Variants in NDRG1 observed in about 807,000 individuals in gnomAD.
NDRG1 encodes protein NDRG1.
NDRG1 carries 32 observed loss-of-function variants against 56.9 expected under a neutral mutation model. The ratio of observed to expected loss-of-function variants is 0.56; its 90% CI spans 0.42 to 0.76. The LOEUF (loss-of-function observed/expected upper bound fraction) is 0.76, where lower values mean the gene tolerates loss of function less well. Ranked by LOEUF, NDRG1 falls within the 30% of genes least tolerant of loss-of-function variation. The pLI is 0.00. For synonymous variants in NDRG1, 211 were observed against 204.1 expected (o/e 1.03, Z -0.29); for missense variants, 507 against 545.7 (o/e 0.93, Z 0.71).
chr8:133,291,334 G>A (rs1385764724), intron 1 of NDRG1, among the ~76,000 whole-genome samples: 2 of 152,192 alleles, frequency 1.3e-5, no homozygotes, highest in African/African-American at 4.8e-5. Flanking sequence ...AAATTGCCGA[G>A]AACAGCACCA....
chr8:133,262,042 C>G lies in NDRG1; in HGVS notation c.326+5G>C, dbSNP rs1333361653. ...GTAGAGCTCATAGGGCAAGAGGCCT[C>G]TCACCCTGCGGGGAAGGAGGCTGCG... On this transcript the variant is annotated splice_donor_5th_base_variant and intron_variant, in intron 5 of 15. Coordinates refer to ENST00000323851, the MANE Select transcript of NDRG1 (RefSeq NM_006096.4). 2 of 1,609,780 alleles carry G rather than the reference C, an allele frequency of 1.2e-6. No individual in the cohort carries two copies. Among genetic ancestry groups the G allele is most frequent in the African/African-American group, 2.7e-5 (2 of 74,696 alleles).
chr8:133,291,219 G>GCCAGTGTTCTCT, intron 1 of NDRG1, among the ~76,000 whole-genome samples: 1 of 152,330 alleles, frequency 6.6e-6, no homozygotes. Context: ...CCACATGAAA[G>GCCAGTGTTCTCT]CCAGTGTTCT....
intron 6 of NDRG1, 87 bp from the exon 7 acceptor site, chr8:133,258,513 C>T (rs974752686): frequency 1.5e-5 from 21 of 1,362,594 alleles, no homozygotes; most frequent in Middle Eastern, 3.5e-4. Flanking sequence ...TGAGGGTGAC[C>T]GCCTGGCTAG....
chr8:133,248,572 A>G, intron 11 of NDRG1, 143 bp downstream of exon 11: 1 of 1,017,036 alleles, frequency 9.8e-7, no homozygotes. Context: ...CAGGCTGGGT[A>G]ATGCTCAGTC....
In NDRG1 at chr8:133,238,722, G is replaced by C; in HGVS notation, c.*156C>G. On this transcript the variant is annotated 3_prime_UTR_variant, in exon 16 of 16. Coordinates refer to ENST00000323851, the MANE Select transcript of NDRG1 (RefSeq NM_006096.4). ...CTTTGGAGAGGGCACCCACGTAATA[G>C]ACCTCATTTGTCTCCACCAGAGCTC... 3.2e-6 allele frequency: 3 copies of C among 934,614 alleles called. No homozygotes were observed. The highest frequency in any genetic ancestry group is 4.7e-6 in the Non-Finnish European group (3 of 642,274). The allele number at this position is 934,614 out of a possible 1,614,324, so 57.9% of individuals were successfully genotyped here. A position where few individuals can be genotyped will look rare whatever the true frequency, so the allele number is the denominator to read the frequency against.
chr8:133,250,245 C>G (rs975776493), intron 10 of NDRG1, among the ~76,000 whole-genome samples, 195 bp downstream of exon 10: 1 of 152,174 alleles, frequency 6.6e-6, no homozygotes, highest in Non-Finnish European at 1.5e-5. Flanking sequence ...CCCTGCAAGG[C>G]GAGCTGAATG....
intron 1 of NDRG1, among the ~76,000 whole-genome samples, chr8:133,293,646 C>T (rs563880705): frequency 6.6e-6 from 1 of 152,338 alleles, no homozygotes; most frequent in South Asian, 2.1e-4. Flanking sequence ...GGTACAGCGG[C>T]ATGTATGACT....
At chr8:133,245,198 A>T (rs997745421) in intron 13 of NDRG1, among the ~76,000 whole-genome samples, 3 of 152,186 alleles carry the variant, frequency 2.0e-5, no homozygotes, top group Non-Finnish European at 4.4e-5. Flanking sequence ...CACTCAGCAC[A>T]TTAGACTGAC....
intron 1 of NDRG1, among the ~76,000 whole-genome samples, chr8:133,285,330 C>T (rs112772799): frequency 2.0e-5 from 3 of 152,126 alleles, no homozygotes; most frequent in Non-Finnish European, 2.9e-5. Flanking sequence ...AGCAGAGGAC[C>T]GGCGGAGAAG....
At chr8:133,258,324 G>C in intron 7 of NDRG1, 42 bp downstream of exon 7, 1 of 1,571,224 alleles carries the variant, frequency 6.4e-7, no homozygotes, top group Non-Finnish European at 8.7e-7. Flanking sequence ...ATCTTAAAAT[G>C]TTATTTAAAA....
At chr8:133,259,093 A>G in intron 6 of NDRG1, 75 bp downstream of exon 6, 1 of 1,521,438 alleles carries the variant, frequency 6.6e-7, no homozygotes, top group South Asian at 1.1e-5. Flanking sequence ...AGTCCAGATC[A>G]AAGCCAAGGG....
At position 133,260,183 on chromosome 8, in the gene NDRG1, T is replaced by C. The variant is rs534064523; in HGVS notation, c.327-953A>G. Among the ~76,000 whole-genome samples, 65 of 152,260 alleles carry C rather than the reference T, an allele frequency of 4.3e-4. 1 individual carries two copies. In the South Asian group the frequency reaches 0.013, roughly 30 times the overall value. Reference sequence around the variant, plus strand: ...TCTTCCCTGTTCCCCAGGGCTGGTGTGAGGCGAGGAAGCAGCAGAATTCTA... The same window carrying C: ...TCTTCCCTGTTCCCCAGGGCTGGTGCGAGGCGAGGAAGCAGCAGAATTCTA... On this transcript the variant is annotated intron_variant, in intron 5 of 15. Transcript: ENST00000323851.
At chr8:133,284,098 C>T (rs1219687618) in intron 2 of NDRG1, 151 bp downstream of exon 2, 1 of 736,502 alleles carries the variant, frequency 1.4e-6, no homozygotes, top group Non-Finnish European at 2.4e-6. Flanking sequence ...CATGTGTGTG[C>T]AGCATGTTTG....
At position 133,296,086 on chromosome 8, in the gene NDRG1, C is replaced by T. The variant is rs551370867; in HGVS notation, c.-19+1048G>A. ...GCTCCAGCTACTAATTTGACAGAGG[C>T]GTGACAGCGTGTTTCCCCCAGAACC... On this transcript the variant is annotated intron_variant, in intron 1 of 15. Coordinates refer to ENST00000323851, the MANE Select transcript of NDRG1 (RefSeq NM_006096.4). 8.5e-5 allele frequency among the ~76,000 whole-genome samples: 13 copies of T among 152,234 alleles called. No homozygotes were observed. In the South Asian group the frequency reaches 2.5e-3, roughly 29 times the overall value.
intron 3 of NDRG1, chr8:133,265,014 C>A (rs1442532461): frequency 5.7e-6 from 2 of 351,926 alleles, no homozygotes; most frequent in African/African-American, 4.2e-5. Flanking sequence ...CCACTGGCCC[C>A]ACAGGTTACT....
chr8:133,275,291 T>C (rs367858187), intron 3 of NDRG1, among the ~76,000 whole-genome samples: 2 of 152,228 alleles, frequency 1.3e-5, no homozygotes, highest in East Asian at 3.8e-4. Context: ...AATACAGTTT[T>C]AGACAAAGAT....
At chr8:133,263,356 G>A (rs564484324) in intron 4 of NDRG1, among the ~76,000 whole-genome samples, 3 of 152,266 alleles carry the variant, frequency 2.0e-5, no homozygotes, top group South Asian at 2.1e-4. Flanking sequence ...GCAGTCCATC[G>A]TCAAAAATCA....
intron 3 of NDRG1, among the ~76,000 whole-genome samples, chr8:133,268,944 A>G (rs2929991): frequency 0.86 from 130,955 of 152,106 alleles, 56,540 homozygotes; most frequent in East Asian, 1. Context: ...AAGCCAGTCA[A>G]GAAGACTGTC....
chr8:133,291,712 G>T (rs984734178), intron 1 of NDRG1, among the ~76,000 whole-genome samples: 3 of 152,114 alleles, frequency 2.0e-5, no homozygotes, highest in Non-Finnish European at 2.9e-5. Flanking sequence ...ACTCCTCGAG[G>T]GCCCCTGTAC....
Sources: allele counts gnomAD v4.1 joint callset (sites outside exome capture counted in the v4.1 genomes callset), GRCh38; gene constraint gnomAD v4.1.1; transcripts MANE v1.5; gene names NCBI Gene and HGNC (gene_info 2026-07-23, HGNC 2026-07-21).